The following CELF1 variants were observed in gnomAD, a reference collection of about 807,000 sequenced individuals.
The protein encoded by CELF1 is CUGBP Elav-like family member 1, also known as 50 kDa nuclear polyadenylated RNA-binding protein.
Under a neutral mutation model 61.8 loss-of-function variants are expected in CELF1, and 10 were observed. That is an observed-to-expected ratio of 0.16 (90% CI 0.10 to 0.27). The LOEUF is 0.27. CELF1 is among the 10% of genes least tolerant of loss of function. The pLI, the probability that CELF1 is intolerant of heterozygous loss-of-function variation, is 1.00. For synonymous variants in CELF1, 236 were observed against 225.1 expected (o/e 1.05, Z -0.43); for missense variants, 380 against 639.1 (o/e 0.59, Z 4.37).
At chr11:47,546,592 G>GA (rs778722264) in intron 1 of CELF1, among the ~76,000 whole-genome samples, 42 of 152,114 alleles carry the variant, frequency 2.8e-4, no homozygotes, top group Non-Finnish European at 5.3e-4. Context: ...GTTCATACCT[G>GA]AAAGTATTAT....
chr11:47,480,089 CTT>C (rs972385893), intron 9 of CELF1, among the ~76,000 whole-genome samples: 9 of 139,136 alleles, frequency 6.5e-5, no homozygotes, highest in Admixed American at 7.2e-5. Context: ...CACGTCTACA[CTT>C]TTTTTTTTTT....
chr11:47,490,701 A>G (rs2091014699), intron 3 of CELF1, among the ~76,000 whole-genome samples: 1 of 151,992 alleles, frequency 6.6e-6, no homozygotes, highest in Non-Finnish European at 1.5e-5. Flanking sequence ...GCTGGATTAC[A>G]GGCGTGAAGC....
At chr11:47,527,205 A>C (rs550673722) in intron 1 of CELF1, among the ~76,000 whole-genome samples, 5 of 152,152 alleles carry the variant, frequency 3.3e-5, no homozygotes, top group African/African-American at 1.2e-4. Flanking sequence ...AACACTAAAC[A>C]TAAGGAGACC....
intron 3 of CELF1, among the ~76,000 whole-genome samples, chr11:47,497,699 G>A (rs1314923341): frequency 1.3e-5 from 2 of 152,168 alleles, no homozygotes; most frequent in African/African-American, 4.8e-5. Context: ...GAACTTTAGT[G>A]TGCACAAAAA....
intron 9 of CELF1, 47 bp from the exon 10 acceptor site, chr11:47,478,999 G>C (rs200700684): frequency 6.7e-7 from 1 of 1,484,782 alleles, no homozygotes; most frequent in African/African-American, 1.4e-5. Flanking sequence ...GTGAGGGCTG[G>C]TTCTGCATCT....
Position 47,482,509 on chromosome 11 carries a change from G to C in CELF1, c.768+186C>G, listed in dbSNP as rs143441226. On this transcript the variant is annotated intron_variant, in intron 9 of 14. Transcript: ENST00000687097. ...ATATAACCAGAGATGCATGTCCAGA[G>C]ATACATATATATAGAGAGAGAAAGA... 2.8e-4 allele frequency: 121 copies of C among 429,270 alleles called. 3 individuals carry two copies. The highest frequency in any genetic ancestry group is 2.2e-3 in the African/African-American group (107 of 49,268). 26.6% of individuals were successfully genotyped at this position (429,270 alleles called of 1,614,324 possible).
At chr11:47,560,749 C>T (rs2097222388) in intron 2 of CELF1, among the ~76,000 whole-genome samples, 1 of 152,068 alleles carries the variant, frequency 6.6e-6, no homozygotes, top group African/African-American at 2.4e-5. Context: ...TAAAGCTGTT[C>T]CCAAAAATAA....
At chr11:47,506,726 T>C (rs2094534269) in intron 1 of CELF1, 2 of 152,356 alleles carry the variant, frequency 1.3e-5, no homozygotes, top group South Asian at 4.1e-4. Flanking sequence ...ATTTTGCAAA[T>C]GTTATCCCAT....
chr11:47,537,865 C>T (rs868733224), intron 1 of CELF1, among the ~76,000 whole-genome samples: 1 of 151,716 alleles, frequency 6.6e-6, no homozygotes, highest in African/African-American at 2.4e-5. Context: ...GGGTTTAGTA[C>T]GATACACACA....
At chr11:47,532,584 G>A (rs2096514446) in intron 1 of CELF1, among the ~76,000 whole-genome samples, 1 of 152,186 alleles carries the variant, frequency 6.6e-6, no homozygotes, top group Non-Finnish European at 1.5e-5. Flanking sequence ...ATGAAAAGTA[G>A]AGGAAAGGTG....
intron 1 of CELF1, among the ~76,000 whole-genome samples, chr11:47,538,035 C>T (rs1472149871): frequency 6.6e-6 from 1 of 151,814 alleles, no homozygotes. Context: ...CCTGCCTCAG[C>T]CTCCCAAATA....
intron 9 of CELF1, 83 bp from the exon 10 acceptor site, chr11:47,479,035 C>T (rs962422444): frequency 3.6e-5 from 41 of 1,146,364 alleles, no homozygotes; most frequent in Non-Finnish European, 4.6e-5. Flanking sequence ...CACAGCAAAG[C>T]GAGAGTGCAG....
At chr11:47,519,268 T>C (rs1434209053) in intron 1 of CELF1, among the ~76,000 whole-genome samples, 1 of 151,674 alleles carries the variant, frequency 6.6e-6, no homozygotes, top group Non-Finnish European at 1.5e-5. Flanking sequence ...TCACTTGAGG[T>C]CAGAGTTCGA....
intron 3 of CELF1, among the ~76,000 whole-genome samples, chr11:47,489,935 G>GTTTTTTTTTTTTTTTGTTTTTTTTTTTTT (rs2090305885): frequency 2.1e-5 from 1 of 48,228 alleles, no homozygotes; most frequent in Non-Finnish European, 3.9e-5. Context: ...ATACCATCTT[G>GTTTTTTTTTTTTTTTGTTTTTTTTTTTTT]TTTTTTTTTT....
chr11:47,520,230 T>TA (rs981221501), intron 1 of CELF1, among the ~76,000 whole-genome samples: 8 of 152,172 alleles, frequency 5.3e-5, no homozygotes, highest in Non-Finnish European at 7.4e-5. Flanking sequence ...GTGAAAGACT[T>TA]AAAAAATCTC....
intron 3 of CELF1, among the ~76,000 whole-genome samples, chr11:47,495,468 A>G (rs1412185452): frequency 6.6e-6 from 1 of 152,214 alleles, no homozygotes; most frequent in African/African-American, 2.4e-5. Flanking sequence ...ATGTTCTGCA[A>G]TTAAATAGTG....
upstream of CELF1, among the ~76,000 whole-genome samples, chr11:47,553,383 C>CT (rs1638314252): frequency 6.6e-6 from 1 of 152,196 alleles, no homozygotes; most frequent in East Asian, 1.9e-4. Context: ...GGGCGCATCT[C>CT]TTTGTCTCCG....
intron 2 of CELF1, among the ~76,000 whole-genome samples, chr11:47,563,034 T>C (rs564382070): frequency 2.0e-5 from 3 of 151,950 alleles, no homozygotes; most frequent in East Asian, 1.9e-4. Flanking sequence ...TTGGGCAACA[T>C]AGTGAGACCC....
At chr11:47,507,855 T>C (rs868815142) in intron 1 of CELF1, among the ~76,000 whole-genome samples, 1 of 152,066 alleles carries the variant, frequency 6.6e-6, no homozygotes, top group African/African-American at 2.4e-5. Context: ...CCAATTTTGC[T>C]AATAAAGTAG....
Sources: gnomAD v4.1 joint callset for allele counts (sites outside exome capture counted in the v4.1 genomes callset) on GRCh38, gnomAD v4.1.1 for gene constraint, MANE v1.5 for transcripts, NCBI Gene and HGNC (gene_info 2026-07-23, HGNC 2026-07-21) for gene names.